Variants in TBX3 observed in about 807,000 individuals in gnomAD.
The protein encoded by TBX3 is T-box transcription factor 3, also known as T-box transcription factor TBX3.
TBX3 carries 11 observed loss-of-function variants against 47.8 expected under a neutral mutation model. That is an observed-to-expected ratio of 0.23 (90% confidence interval 0.14 to 0.38). The LOEUF is 0.38. Ranked by LOEUF, TBX3 falls within the 10% of genes least tolerant of loss-of-function variation. The pLI, the probability that TBX3 is intolerant of heterozygous loss-of-function variation, is 1.00. For synonymous variants in TBX3, 500 were observed against 449.3 expected (o/e 1.11, Z -1.43); for missense variants, 927 against 1,022.8 (o/e 0.91, Z 1.28).
intron 1 of TBX3, among the ~76,000 whole-genome samples, chr12:114,681,712 G>A (rs1414578762): frequency 6.6e-6 from 1 of 152,166 alleles, no homozygotes; most frequent in African/African-American, 2.4e-5. Flanking sequence ...TGCAGACTTC[G>A]GTGCACTCCT....
chr12:114,680,841 G>C, intron 2 of TBX3, 38 bp downstream of exon 2: 1 of 1,613,944 alleles, frequency 6.2e-7, no homozygotes, highest in Non-Finnish European at 8.5e-7. Flanking sequence ...CTGAGTGAAG[G>C]AGGAGAAAAT....
chr12:114,681,751 C>G (rs1868938268), intron 1 of TBX3, among the ~76,000 whole-genome samples: 2 of 152,220 alleles, frequency 1.3e-5, no homozygotes, highest in Admixed American at 1.3e-4. Context: ...GCCCGTGGAG[C>G]TGCTAACACA....
rs756398133 is a variant in TBX3, at chr12:114,671,191, C to T, written c.*650G>A. On this transcript the variant is annotated 3_prime_UTR_variant, in exon 7 of 7. Transcript: ENST00000349155. Reference sequence around the variant, plus strand: ...AAAAGCAAGCGTTCAAAATAAAAACCACAAATACATTACTGTGGACATGCA... The same window carrying T: ...AAAAGCAAGCGTTCAAAATAAAAACTACAAATACATTACTGTGGACATGCA... 4.5e-6 allele frequency: 1 copy of T among 220,666 alleles called. No individual in the cohort carries two copies. The highest frequency in any genetic ancestry group is 5.8e-5 in the Admixed American group (1 of 17,352). 13.7% of individuals were successfully genotyped at this position (220,666 alleles called of 1,614,324 possible).
chr12:114,673,948 A>T (rs180739163), intron 6 of TBX3, among the ~76,000 whole-genome samples: 1 of 152,270 alleles, frequency 6.6e-6, no homozygotes, highest in African/African-American at 2.4e-5. Flanking sequence ...TGCTGGAAAC[A>T]GCCTTTAACT....
intron 6 of TBX3, among the ~76,000 whole-genome samples, chr12:114,673,839 G>C (rs1418323734): frequency 6.6e-6 from 1 of 152,222 alleles, no homozygotes; most frequent in Non-Finnish European, 1.5e-5. Context: ...TACCCCTGAA[G>C]GGTTAGGTCA....
Position 114,674,501 on chromosome 12 carries a change from G to T in TBX3, c.1374C>A (p.Ala458=). The T allele has an allele frequency of 6.6e-7, 1 of 1,517,522 alleles. No homozygotes were observed. The highest frequency in any genetic ancestry group is 1.4e-5 in the African/African-American group (1 of 71,732). 94.0% of individuals were successfully genotyped at this position (1,517,522 alleles called of 1,614,324 possible). A position where few individuals can be genotyped will look rare whatever the true frequency, so the allele number is the denominator to read the frequency against. ...CCGTCTGCACCGTGAGCGGCGCGAA[G>T]GCCTCCTTGCCCGGGAGCGCGCGCG... ...EEARALPGKE[A]FAPLTVQTDA... is the part of the protein sequence containing the mutation. Residue 458 remains alanine (A), a synonymous_variant, in exon 6 of 7, where the codon GCC becomes GCA. Coordinates refer to ENST00000349155, the MANE Select transcript of TBX3 (RefSeq NM_005996.4).
chr12:114,682,141 A>C (rs1240488715), intron 1 of TBX3, among the ~76,000 whole-genome samples: 1 of 152,178 alleles, frequency 6.6e-6, no homozygotes, highest in Non-Finnish European at 1.5e-5. Context: ...ATGGTTGATA[A>C]TATTCACACA....
chr12:114,679,168 T>G (rs1868825599), intron 3 of TBX3, among the ~76,000 whole-genome samples: 1 of 152,094 alleles, frequency 6.6e-6, no homozygotes, highest in Non-Finnish European at 1.5e-5. Flanking sequence ...TTCTTGATCC[T>G]TCTTCCCCAA....
chr12:114,681,174 A>G, intron 1 of TBX3, 28 bp from the exon 2 acceptor site: 3 of 1,613,350 alleles, frequency 1.9e-6, no homozygotes, highest in Non-Finnish European at 2.5e-6. Context: ...AGAAAAGAAA[A>G]AGAAAGATAA....
At position 114,671,654 on chromosome 12, in the gene TBX3, AT is replaced by A. The variant is rs1286666864; in HGVS notation, c.*186del. 1.5e-5 allele frequency: 11 copies of A among 731,796 alleles called. No homozygotes were observed. The highest frequency in any genetic ancestry group is 2.5e-5 in the Non-Finnish European group (11 of 440,694). The allele number at this position is 731,796 out of a possible 1,614,324, so 45.3% of individuals were successfully genotyped here. On this transcript the variant is annotated 3_prime_UTR_variant, in exon 7 of 7. Coordinates refer to ENST00000349155, the MANE Select transcript of TBX3 (RefSeq NM_005996.4). Reference sequence around the variant, plus strand: ...AGAATCTGATCCAGATCCCGGACATATAAACCACGCCAAGAAGACAGGGGCT... The same window carrying A: ...AGAATCTGATCCAGATCCCGGACATAAAACCACGCCAAGAAGACAGGGGCT...
chr12:114,683,480 T>A lies in TBX3; in HGVS notation c.-280A>T. The A allele has an allele frequency of 8.6e-5, 35 of 408,218 alleles. No individual in the cohort carries two copies. Among genetic ancestry groups the A allele is most frequent in the East Asian group, 1.6e-4 (4 of 24,690 alleles). 25.3% of individuals were successfully genotyped at this position (408,218 alleles called of 1,614,324 possible). A position where few individuals can be genotyped will look rare whatever the true frequency, so the allele number is the denominator to read the frequency against. On this transcript the variant is annotated 5_prime_UTR_variant, in exon 1 of 7. Transcript: ENST00000349155. The surrounding 1 kb of genome is among the most constrained non-coding windows in gnomAD (Gnocchi z 7.7). ...CGGGTGACCGTCCTTGTGCCTTGCG[T>A]TTTTAAAAAGCCGCTCCTGAACGTC...
Position 114,672,359 on chromosome 12 carries a change from T to C in TBX3, c.1711-57A>G, listed in dbSNP as rs1408354512. The C allele has an allele frequency of 1.0e-5, 14 of 1,383,772 alleles. No individual in the cohort carries two copies. In the Admixed American group the frequency reaches 3.5e-4, roughly 34 times the overall value. The allele number at this position is 1,383,772 out of a possible 1,614,324, so 85.7% of individuals were successfully genotyped here. A position where few individuals can be genotyped will look rare whatever the true frequency, so the allele number is the denominator to read the frequency against. Reference sequence around the variant, plus strand: ...AGCCGGGTGGGAGGAGCTTATCTCATCCCTCTCCTCTCTTCTCCCCCTCCA... The same window carrying C: ...AGCCGGGTGGGAGGAGCTTATCTCACCCCTCTCCTCTCTTCTCCCCCTCCA... On this transcript the variant is annotated intron_variant, in intron 6 of 6. Transcript: ENST00000349155.
chr12:114,682,036 C>CA lies in TBX3; in HGVS notation c.389+775dup, dbSNP rs371257932. 2.5e-3 allele frequency among the ~76,000 whole-genome samples: 368 copies of CA among 148,212 alleles called. 3 individuals carry two copies. Among genetic ancestry groups the CA allele is most frequent in the Middle Eastern group, 0.024 (7 of 286 alleles). The stretch of plus-strand genomic sequence containing the variant: ...GCCTTTACAGGCTTCAATGCTATTA[C>CA]AAAAAAAAAATCAGTGATTTTAAAT... On this transcript the variant is annotated intron_variant, in intron 1 of 6. Coordinates refer to ENST00000349155, the MANE Select transcript of TBX3 (RefSeq NM_005996.4).
chr12:114,683,085 G>A lies in TBX3; in HGVS notation c.116C>T (p.Pro39Leu), dbSNP rs1436293096. The A allele has an allele frequency of 1.9e-6, 3 of 1,610,672 alleles. No homozygotes were observed. Among genetic ancestry groups the A allele is most frequent in the Non-Finnish European group, 2.5e-6 (3 of 1,178,278 alleles). ...AMSAVLGHQPPFFPALTLPPN... is the reference protein window; with the variant it reads ...AMSAVLGHQPLFFPALTLPPN... ...AGGCAGCGTCAGCGCGGGGAAGAACGGCGGCTGGTGACCCAGCACCGCGCT... is the reference window on the plus strand; with the variant it reads ...AGGCAGCGTCAGCGCGGGGAAGAACAGCGGCTGGTGACCCAGCACCGCGCT... Residue 39 changes from proline to leucine, a missense_variant, in exon 1 of 7, where the codon CCG becomes CTG. This residue lies in a region of TBX3 where 216 missense variants were observed against 281.2 expected (regional missense o/e 0.77). Transcript: ENST00000349155. The surrounding 1 kb of genome is among the most constrained non-coding windows in gnomAD (Gnocchi z 7.7).
intron 6 of TBX3, among the ~76,000 whole-genome samples, chr12:114,673,640 T>C (rs1868554954): frequency 6.6e-6 from 1 of 152,090 alleles, no homozygotes; most frequent in South Asian, 2.1e-4. Flanking sequence ...TGGGGAAGGG[T>C]TGGCTATGAG....
intron 1 of TBX3, 141 bp downstream of exon 1, chr12:114,682,671 G>A: frequency 1.5e-6 from 2 of 1,308,878 alleles, no homozygotes; most frequent in Admixed American, 3.9e-5. Context: ...GCAGGGCCTG[G>A]AAGTCTGTGC....
intron 2 of TBX3, 105 bp from the exon 3 acceptor site, chr12:114,679,756 C>T (rs1486177563): frequency 1.3e-5 from 21 of 1,564,274 alleles, no homozygotes; most frequent in Non-Finnish European, 1.8e-5. Flanking sequence ...CGCAGGGTAC[C>T]ACGCTTGTAC....
intron 5 of TBX3, 113 bp from the exon 6 acceptor site, chr12:114,674,948 T>A: frequency 1.4e-6 from 2 of 1,404,012 alleles, no homozygotes; most frequent in Non-Finnish European, 1.9e-6. Context: ...GGCTGTGTAA[T>A]CCCGGGGAAA....
intron 3 of TBX3, among the ~76,000 whole-genome samples, chr12:114,678,159 G>T (rs1016087122): frequency 1.3e-5 from 2 of 152,014 alleles, no homozygotes; most frequent in South Asian, 2.1e-4. Flanking sequence ...TGCCTGGGGG[G>T]TGGTTTGAGG....
Sources: gnomAD v4.1 joint callset for allele counts (sites outside exome capture counted in the v4.1 genomes callset) on GRCh38, gnomAD v4.1.1 for gene constraint, gnomAD v4.1.1 regional missense constraint, Gnocchi (gnomAD v3.1) non-coding constraint, MANE v1.5 for transcripts, NCBI Gene and HGNC (gene_info 2026-07-23, HGNC 2026-07-21) for gene names.